BRINP3: variants seen among roughly 807,000 people sequenced by gnomAD.
The protein encoded by BRINP3 is BMP/retinoic acid inducible neural specific 3, also known as BMP/retinoic acid-inducible neural-specific protein 3.
A neutral mutation model predicts 71.0 loss-of-function variants in BRINP3; 19 were observed. The observed-to-expected ratio is 0.27, with a 90% CI of 0.19 to 0.39. BRINP3 has a LOEUF of 0.39. Ranked by LOEUF, BRINP3 falls within the 10% of genes least tolerant of loss-of-function variation. The probability of loss-of-function intolerance (pLI) is 1.00; values close to 1 mark genes in which losing one functional copy is unlikely to be tolerated. For synonymous variants in BRINP3, 380 were observed against 337.7 expected (o/e 1.13, Z -1.37); for missense variants, 959 against 940.8 (o/e 1.02, Z -0.25).
intron 6 of BRINP3, among the ~76,000 whole-genome samples, chr1:190,208,849 T>A (rs1224814840): frequency 6.6e-6 from 1 of 152,154 alleles, no homozygotes; most frequent in Non-Finnish European, 1.5e-5. Flanking sequence ...TTAATATATC[T>A]ATTGTACAAG....
intron 7 of BRINP3, among the ~76,000 whole-genome samples, chr1:190,128,569 C>A (rs1287913127): frequency 6.6e-6 from 1 of 151,654 alleles, no homozygotes; most frequent in East Asian, 1.9e-4. Context: ...AATTTAATTT[C>A]TTAGAAGTCT....
At chr1:190,291,293 C>T (rs564321389) in intron 2 of BRINP3, among the ~76,000 whole-genome samples, 5 of 151,970 alleles carry the variant, frequency 3.3e-5, no homozygotes, top group African/African-American at 1.2e-4. Flanking sequence ...GCTCAGGGTG[C>T]AGAGAACACA....
At chr1:190,151,543 C>A (rs1301216013) in intron 7 of BRINP3, among the ~76,000 whole-genome samples, 2 of 152,074 alleles carry the variant, frequency 1.3e-5, no homozygotes, top group Non-Finnish European at 2.9e-5. Flanking sequence ...GTAACTCTCT[C>A]TATATAAGCC....
Position 190,097,904 on chromosome 1 carries a change from A to G in BRINP3, c.*114T>C. ...AATTGCCATCCAATGTTATTGACTGATATAAGACAGATATTGAAAAGACAA... is the reference window on the plus strand; with the variant it reads ...AATTGCCATCCAATGTTATTGACTGGTATAAGACAGATATTGAAAAGACAA... On this transcript the variant is annotated 3_prime_UTR_variant, in exon 8 of 8. Transcript: ENST00000367462. 8.7e-7 allele frequency: 1 copy of G among 1,154,350 alleles called. No individual in the cohort carries two copies. The highest frequency in any genetic ancestry group is 1.2e-6 in the Non-Finnish European group (1 of 817,996). The allele number at this position is 1,154,350 out of a possible 1,614,324, so 71.5% of individuals were successfully genotyped here. A position where few individuals can be genotyped will look rare whatever the true frequency, so the allele number is the denominator to read the frequency against.
rs1054926907 is a variant in BRINP3 at position 190,113,248 on chromosome 1, T to G, written c.1185-14114A>C. On this transcript the variant is annotated intron_variant, in intron 7 of 7. Coordinates refer to ENST00000367462, the MANE Select transcript of BRINP3 (RefSeq NM_199051.3). ...TCCTCATCCTTAATTAATAATTAAG[T>G]CAATTGATTAATTATCATTCTCCCA... 3.3e-5 allele frequency among the ~76,000 whole-genome samples: 5 copies of G among 152,218 alleles called. No individual in the cohort carries two copies. The South Asian group carries it at 1.0e-3, about 32-fold the overall frequency.
intron 4 of BRINP3, 57 bp downstream of exon 4, chr1:190,264,808 G>C: frequency 7.0e-7 from 1 of 1,432,160 alleles, no homozygotes; most frequent in Non-Finnish European, 9.6e-7. Context: ...AATGCCTTTT[G>C]GATATAGAGG....
intron 2 of BRINP3, among the ~76,000 whole-genome samples, chr1:190,320,463 T>C (rs1666164863): frequency 6.6e-6 from 1 of 152,112 alleles, no homozygotes; most frequent in Non-Finnish European, 1.5e-5. Context: ...ACATTGCTTA[T>C]TGTTGTGCAT....
intron 2 of BRINP3, among the ~76,000 whole-genome samples, chr1:190,427,613 A>G (rs913902344): frequency 1.3e-5 from 2 of 152,060 alleles, no homozygotes; most frequent in African/African-American, 4.8e-5. Flanking sequence ...TGCTAACAAC[A>G]TTTTTAAAAA....
intron 2 of BRINP3, among the ~76,000 whole-genome samples, chr1:190,334,722 C>T (rs897189162): frequency 2.0e-5 from 3 of 151,714 alleles, no homozygotes; most frequent in Non-Finnish European, 4.4e-5. Flanking sequence ...CTGAAACAAA[C>T]TTAAACTGGG....
chr1:190,103,916 T>TA (rs1651917248), intron 7 of BRINP3, among the ~76,000 whole-genome samples: 1 of 151,968 alleles, frequency 6.6e-6, no homozygotes, highest in African/African-American at 2.4e-5. Flanking sequence ...CACTTTTTTT[T>TA]TTTTTAATTT....
intron 6 of BRINP3, among the ~76,000 whole-genome samples, chr1:190,215,815 T>C (rs1472993000): frequency 6.6e-6 from 1 of 151,912 alleles, no homozygotes; most frequent in African/African-American, 2.4e-5. Flanking sequence ...TAAAGACATA[T>C]GTTGACAGCA....
chr1:190,097,913 A>C lies in BRINP3; in HGVS notation c.*105T>G. On this transcript the variant is annotated 3_prime_UTR_variant, in exon 8 of 8. Transcript: ENST00000367462. ...CCAATGTTATTGACTGATATAAGAC[A>C]GATATTGAAAAGACAATTTAAATTT... 1 of 1,223,776 alleles carries C rather than the reference A, an allele frequency of 8.2e-7. No individual in the cohort carries two copies. The highest frequency in any genetic ancestry group is 1.5e-5 in the South Asian group (1 of 67,580). 75.8% of individuals were successfully genotyped at this position (1,223,776 alleles called of 1,614,324 possible). A position where few individuals can be genotyped will look rare whatever the true frequency, so the allele number is the denominator to read the frequency against.
intron 1 of BRINP3, among the ~76,000 whole-genome samples, chr1:190,468,670 C>T (rs1277814368): frequency 1.3e-5 from 2 of 150,978 alleles, no homozygotes; most frequent in Admixed American, 6.6e-5. Context: ...AATAATCTGA[C>T]TTTGATATAA....
At chr1:190,143,147 T>A (rs6678120) in intron 7 of BRINP3, among the ~76,000 whole-genome samples, 20,689 of 151,984 alleles carry the variant, frequency 0.14, 2,090 homozygotes, top group African/African-American at 0.26. Flanking sequence ...TGGAGGAAAA[T>A]AAAATGCAAG....
At chr1:190,149,660 T>TGA (rs1571845033) in intron 7 of BRINP3, among the ~76,000 whole-genome samples, 2 of 151,180 alleles carry the variant, frequency 1.3e-5, no homozygotes, top group African/African-American at 4.9e-5. Context: ...TGTGTGTATG[T>TGA]GAGAGAGAGA....
intron 2 of BRINP3, among the ~76,000 whole-genome samples, chr1:190,327,352 G>GAAAAAAAAAAAAAAAAAAAAAAAAGA (rs796445574): frequency 1.3e-5 from 1 of 77,444 alleles, no homozygotes; most frequent in African/African-American, 4.4e-5. Flanking sequence ...AAAAAAAAAG[G>GAAAAAAAAAAAAAAAAAAAAAAAAGA]AAAAAAAAAA....
In BRINP3 at chr1:190,264,874, A is replaced by G; in HGVS notation, c.609T>C (p.Thr203=). The change falls in exon 4 of 8, where the codon ACT becomes ACC. Residue 203 remains threonine (T), a synonymous_variant. Transcript: ENST00000367462. ...RRLHHIQIAS[T]AIKVTETRTG... ...GTAAACTCATTCTTACCTTTATGGCAGTGGATGCAATTTGAATGTGGTGAA... is the reference window on the plus strand; with the variant it reads ...GTAAACTCATTCTTACCTTTATGGCGGTGGATGCAATTTGAATGTGGTGAA... The G allele has an allele frequency of 6.2e-7, 1 of 1,613,120 alleles. No homozygotes were observed. The highest frequency in any genetic ancestry group is 8.5e-7 in the Non-Finnish European group (1 of 1,179,580).
chr1:190,287,068 G>A (rs796640208), intron 2 of BRINP3, among the ~76,000 whole-genome samples: 6 of 145,528 alleles, frequency 4.1e-5, no homozygotes, highest in East Asian at 2.0e-4. Context: ...AAAAAAAAAA[G>A]AAAAAAAAAA....
At chr1:190,301,670 G>A (rs912012641) in intron 2 of BRINP3, among the ~76,000 whole-genome samples, 3 of 151,700 alleles carry the variant, frequency 2.0e-5, no homozygotes, top group Non-Finnish European at 4.4e-5. Context: ...AGAAAACAAA[G>A]CAAGGTGAGA....
Sources: gnomAD v4.1 joint callset for allele counts (sites outside exome capture counted in the v4.1 genomes callset) on GRCh38, gnomAD v4.1.1 for gene constraint, MANE v1.5 for transcripts, NCBI Gene and HGNC (gene_info 2026-07-23, HGNC 2026-07-21) for gene names.